Variants in ARL10 observed in about 807,000 individuals in gnomAD.
ARL10 encodes ARF like GTPase 10, also known as ADP-ribosylation factor-like protein 10.
In ARL10, 23 loss-of-function variants were observed where a neutral mutation model predicts 26.1. The observed-to-expected ratio is 0.88, with a 90% CI of 0.63 to 1.25. The LOEUF (loss-of-function observed/expected upper bound fraction) is 1.25. Among genes scored for constraint, ARL10 ranks in the 50% most tolerant of loss-of-function variants. The probability of loss-of-function intolerance (pLI) is 0.00; values close to 1 mark genes in which losing one functional copy is unlikely to be tolerated. For missense variants in ARL10, 300 were observed against 323.6 expected, an observed-to-expected ratio of 0.93 and a Z score of 0.56; for synonymous variants, 138 against 149.1, an observed-to-expected ratio of 0.93 and a Z score of 0.54.
At chr5:176,404,338 G>A (rs569284388), downstream of ARL10, among the ~76,000 whole-genome samples, 34 of 152,338 alleles carry the variant, frequency 2.2e-4, no homozygotes, top group Non-Finnish European at 3.2e-4. Context: ...CCCTCAGCTC[G>A]CCTAGGGGCT....
intron 1 of ARL10, among the ~76,000 whole-genome samples, chr5:176,397,224 C>T (rs1180139991): frequency 1.3e-5 from 2 of 152,186 alleles, no homozygotes; most frequent in East Asian, 3.9e-4. Flanking sequence ...CAGGCCTTTC[C>T]CTTCCTGGAA....
At chr5:176,403,042 T>C (rs1011022387), downstream of ARL10, among the ~76,000 whole-genome samples, 2 of 148,614 alleles carry the variant, frequency 1.3e-5, no homozygotes, top group African/African-American at 2.5e-5. Flanking sequence ...CCATAAAGCC[T>C]GCCCTAATTT....
chr5:176,384,160 C>G (rs1484991938), downstream of ARL10: 1 of 1,613,738 alleles, frequency 6.2e-7, no homozygotes, highest in East Asian at 2.2e-5. Context: ...CACCTCCTTG[C>G]CTTACACCCT....
At chr5:176,410,610 T>C in the ARL10 span, among the ~76,000 whole-genome samples, 1 of 152,152 alleles carries the variant, frequency 6.6e-6, no homozygotes. Context: ...ACCCAGCCAG[T>C]AATAGCTCCT....
downstream of ARL10, chr5:176,384,223 T>G (rs1755647212): frequency 1.2e-6 from 2 of 1,614,088 alleles, no homozygotes; most frequent in Non-Finnish European, 1.7e-6. Context: ...AGCTGTGATG[T>G]AAACCAGTCA....
At chr5:176,397,862 C>G (rs897691870) in intron 1 of ARL10, 6 of 1,495,246 alleles carry the variant, frequency 4.0e-6, no homozygotes, top group Non-Finnish European at 5.6e-6. Flanking sequence ...CCATGCACTC[C>G]GAGGACTCCC....
At chr5:176,388,574 T>C (rs975052787) in exon 2 of ARL10, 12 of 1,567,728 alleles carry the variant, frequency 7.7e-6, no homozygotes, top group Non-Finnish European at 1.1e-5. Context: ...TCAAACACGC[T>C]GCCTCTGTCT....
chr5:176,399,690 T>C (rs754092243), intron 1 of ARL10, among the ~76,000 whole-genome samples: 32 of 151,686 alleles, frequency 2.1e-4, no homozygotes, highest in Non-Finnish European at 4.6e-4. Flanking sequence ...GGCCAGGAGT[T>C]TGAGACCAGC....
chr5:176,386,989 T>C (rs778391150), intron 1 of ARL10: 1 of 1,229,128 alleles, frequency 8.1e-7, no homozygotes, highest in South Asian at 1.2e-5. Flanking sequence ...CCAACACAAC[T>C]ACTAACCCAT....
At chr5:176,411,718 A>G in the ARL10 span, among the ~76,000 whole-genome samples, 8 of 152,276 alleles carry the variant, frequency 5.3e-5, no homozygotes, top group Admixed American at 5.2e-4. Context: ...TATTTGCCAG[A>G]TAAGTACATC....
At chr5:176,389,235 T>C (rs1380005429), downstream of ARL10, 14 of 1,423,198 alleles carry the variant, frequency 9.8e-6, no homozygotes, top group Non-Finnish European at 1.3e-5. Flanking sequence ...TCCGCTGTGA[T>C]CCAGAGATCT....
chr5:176,365,804 A>C (rs1277148890), intron 1 of ARL10, 58 bp downstream of exon 1: 7 of 1,230,398 alleles, frequency 5.7e-6, no homozygotes, highest in Middle Eastern at 2.8e-4. Context: ...GACTCCGCGC[A>C]TGTGGCCAAG....
the ARL10 span, among the ~76,000 whole-genome samples, chr5:176,407,783 AACTAG>A: frequency 6.6e-6 from 1 of 152,204 alleles, no homozygotes; most frequent in Non-Finnish European, 1.5e-5. Flanking sequence ...CCTCGGGCCC[AACTAG>A]ACATGAAGCT....
At chr5:176,389,336 C>G (rs770081090), downstream of ARL10, 2 of 1,613,042 alleles carry the variant, frequency 1.2e-6, no homozygotes, top group Non-Finnish European at 1.7e-6. Context: ...CTCAGGTTGC[C>G]TGGCCACGGC....
chr5:176,403,387 T>G (rs952247076), downstream of ARL10, among the ~76,000 whole-genome samples: 3 of 151,840 alleles, frequency 2.0e-5, no homozygotes, highest in Non-Finnish European at 1.5e-5. Context: ...GAACTTGCAT[T>G]TAAAGGGCTT....
chr5:176,388,951 C>T (rs1348040970), downstream of ARL10: 4 of 1,614,022 alleles, frequency 2.5e-6, no homozygotes, highest in African/African-American at 4.0e-5. Flanking sequence ...GCAAGACCCG[C>T]GAGAACCCGG....
chr5:176,372,102 G>A lies in ARL10; in HGVS notation c.*207G>A. ...GGCCGTGAAGCCGAAGCAGGGAGGT[G>A]GGTGAGACAGAGGGTGGGGAGGATA... On this transcript the variant is annotated 3_prime_UTR_variant, in exon 4 of 4. Transcript: ENST00000310389. 7.1e-7 allele frequency: 1 copy of A among 1,417,402 alleles called. No homozygotes were observed. The highest frequency in any genetic ancestry group is 9.2e-7 in the Non-Finnish European group (1 of 1,087,452). The allele number at this position is 1,417,402 out of a possible 1,614,324, so 87.8% of individuals were successfully genotyped here. A position where few individuals can be genotyped will look rare whatever the true frequency, so the allele number is the denominator to read the frequency against.
At chr5:176,391,244 G>A (rs1756255530), downstream of ARL10, among the ~76,000 whole-genome samples, 1 of 152,220 alleles carries the variant, frequency 6.6e-6, no homozygotes, top group African/African-American at 2.4e-5. Context: ...AGGACATGGA[G>A]TGATGACCAC....
chr5:176,389,122 T>A (rs1747299149), downstream of ARL10: 1 of 1,178,086 alleles, frequency 8.5e-7, no homozygotes, highest in Admixed American at 2.2e-5. Flanking sequence ...CGAAACTGAT[T>A]GGAGCGGGAG....
Sources: gnomAD v4.1 joint callset for allele counts (sites outside exome capture counted in the v4.1 genomes callset) on GRCh38, gnomAD v4.1.1 for gene constraint, MANE v1.5 for transcripts, NCBI Gene and HGNC (gene_info 2026-07-23, HGNC 2026-07-21) for gene names.